Variants in GRIA3 observed in about 807,000 individuals in gnomAD.
The protein encoded by GRIA3 is glutamate ionotropic receptor AMPA type subunit 3, also known as glutamate receptor 3.
In GRIA3, 3 loss-of-function variants were observed where a neutral mutation model predicts 63.0. The observed-to-expected ratio is 0.05, with a 90% CI of 0.02 to 0.12. The LOEUF is 0.12. Ranked by LOEUF, GRIA3 falls within the 10% of genes least tolerant of loss-of-function variation. The probability of loss-of-function intolerance (pLI) is 1.00; values close to 1 mark genes in which losing one functional copy is unlikely to be tolerated. For synonymous variants in GRIA3, 274 were observed against 257.9 expected, an observed-to-expected ratio of 1.06 and a Z score of -0.60; for missense variants, 347 against 700.9, an observed-to-expected ratio of 0.50 and a Z score of 5.70.
At chrX:123,394,916 G>A (rs993368217) in intron 5 of GRIA3, 52 bp from the exon 6 acceptor site, 3 of 889,161 alleles carry the variant, frequency 3.4e-6, no homozygotes, top group African/African-American at 3.9e-5. Flanking sequence ...CAGATATGGT[G>A]AGTAAGAACA....
At chrX:123,443,316 T>C (rs1603158986) in intron 12 of GRIA3, among the ~76,000 whole-genome samples, 1 of 112,299 alleles carries the variant, frequency 8.9e-6, no homozygotes, top group Non-Finnish European at 1.9e-5. Context: ...ATCCAGATAA[T>C]GCCCTTCCTT....
intron 5 of GRIA3, among the ~76,000 whole-genome samples, chrX:123,362,589 C>G (rs2045182893): frequency 9.1e-6 from 1 of 110,055 alleles, no homozygotes; most frequent in African/African-American, 3.3e-5. Flanking sequence ...TTTTCAACAG[C>G]AACAGAAGGC....
chrX:123,219,440 T>G (rs1434947039), intron 2 of GRIA3, among the ~76,000 whole-genome samples: 3 of 112,269 alleles, frequency 2.7e-5, no homozygotes, highest in Non-Finnish European at 3.8e-5. Context: ...ACTCAACAGC[T>G]GCATTACTGA....
chrX:123,449,248 T>C (rs374875642), intron 12 of GRIA3, among the ~76,000 whole-genome samples: 68 of 112,178 alleles, frequency 6.1e-4, no homozygotes, highest in African/African-American at 1.7e-3. Context: ...AGCATGAAGA[T>C]TGGGGACTTA....
intron 6 of GRIA3, among the ~76,000 whole-genome samples, chrX:123,396,325 G>T (rs1245082934): frequency 9.1e-6 from 1 of 110,078 alleles, no homozygotes; most frequent in African/African-American, 3.3e-5. Flanking sequence ...CCTTAAATGG[G>T]TTACGTCAGA....
At chrX:123,470,940 G>A (rs2045859101) in intron 13 of GRIA3, among the ~76,000 whole-genome samples, 1 of 112,222 alleles carries the variant, frequency 8.9e-6, no homozygotes, top group African/African-American at 3.2e-5. Flanking sequence ...TATTGACACT[G>A]TTATGTGTGT....
intron 5 of GRIA3, among the ~76,000 whole-genome samples, chrX:123,393,243 A>G (rs185756404): frequency 8.9e-6 from 1 of 112,212 alleles, no homozygotes; most frequent in Non-Finnish European, 1.9e-5. Context: ...AATGTTTTCT[A>G]AGACTGTCTT....
At chrX:123,300,503 A>G (rs1318838140) in intron 3 of GRIA3, among the ~76,000 whole-genome samples, 1 of 105,088 alleles carries the variant, frequency 9.5e-6, no homozygotes, top group Non-Finnish European at 1.9e-5. Context: ...GAATTTATGC[A>G]TTTCTGACTG....
chrX:123,482,808 A>T lies in GRIA3; in HGVS notation c.2449A>T (p.Ser817Cys). 1 of 1,211,118 alleles carries T rather than the reference A, an allele frequency of 8.3e-7. No individual in the cohort carries two copies. Among genetic ancestry groups the T allele is most frequent in the Non-Finnish European group, 1.1e-6 (1 of 894,672 alleles). ...TGTTCATTTCTCTTAGGACAAGACCAGCGCTCTGAGCCTGAGCAATGTGGC... is the reference window on the plus strand; with the variant it reads ...TGTTCATTTCTCTTAGGACAAGACCTGCGCTCTGAGCCTGAGCAATGTGGC... ...AKDSGSKDKT[S>C]ALSLSNVAGV... The change falls in exon 15 of 16, where the codon AGC (serine) becomes TGC (cysteine). Residue 817 changes from serine to cysteine, a missense_variant. Physicochemically the swap from Ser to Cys is moderately radical, Grantham distance 112. Transcript: ENST00000620443.
chrX:123,432,304 C>A (rs972712654), intron 12 of GRIA3, among the ~76,000 whole-genome samples: 1 of 112,002 alleles, frequency 8.9e-6, no homozygotes, highest in Non-Finnish European at 1.9e-5. Flanking sequence ...CATTTTTTCC[C>A]CTTTTTACAT....
intron 2 of GRIA3, among the ~76,000 whole-genome samples, chrX:123,248,557 G>T (rs1221657343): frequency 9.0e-6 from 1 of 111,699 alleles, no homozygotes; most frequent in South Asian, 3.7e-4. Flanking sequence ...AGGCTGAGGC[G>T]GGTGGATCAC....
chrX:123,277,744 G>A (rs921955143), intron 3 of GRIA3, among the ~76,000 whole-genome samples: 13 of 112,057 alleles, frequency 1.2e-4, no homozygotes, highest in African/African-American at 3.6e-4. Context: ...GTTCTATGTC[G>A]TGTTGGGACC....
chrX:123,489,548 C>A lies in GRIA3; in HGVS notation c.*838C>A, dbSNP rs2045958715. The A allele has an allele frequency of 8.9e-6, 1 of 112,101 alleles. No individual in the cohort carries two copies. Among genetic ancestry groups the A allele is most frequent in the South Asian group, 3.7e-4 (1 of 2,675 alleles). The allele number at this position is 112,101 out of a possible 1,213,427, so 9.2% of individuals were successfully genotyped here. ...TTCCTAAAATGGATCCCGGGGCTTTCCAAGGAGCCTGGAATTTCAGCTCAC... is the reference window on the plus strand; with the variant it reads ...TTCCTAAAATGGATCCCGGGGCTTTACAAGGAGCCTGGAATTTCAGCTCAC... On this transcript the variant is annotated 3_prime_UTR_variant, in exon 16 of 16. Transcript: ENST00000620443.
intron 3 of GRIA3, among the ~76,000 whole-genome samples, chrX:123,315,908 G>A (rs1182660933): frequency 1.8e-5 from 2 of 109,923 alleles, no homozygotes; most frequent in Non-Finnish European, 3.8e-5. Context: ...AGGCACAGTG[G>A]CTCACACCTG....
chrX:123,296,164 T>C (rs2044684394), intron 3 of GRIA3, among the ~76,000 whole-genome samples: 1 of 111,269 alleles, frequency 9.0e-6, no homozygotes, highest in Admixed American at 9.6e-5. Flanking sequence ...ACTGGTACAA[T>C]TAACTCTACA....
chrX:123,237,468 C>CAG (rs1185682734), intron 2 of GRIA3, among the ~76,000 whole-genome samples: 1 of 112,005 alleles, frequency 8.9e-6, no homozygotes, highest in Non-Finnish European at 1.9e-5. Flanking sequence ...TAAAATAAGA[C>CAG]AGAGTGTGCT....
At chrX:123,322,600 C>G (rs1021199541) in intron 3 of GRIA3, among the ~76,000 whole-genome samples, 6 of 110,942 alleles carry the variant, frequency 5.4e-5, no homozygotes, top group African/African-American at 2.0e-4. Flanking sequence ...TATTTACTCT[C>G]TTTGGTCAGC....
At chrX:123,438,656 G>A (rs996190947) in intron 12 of GRIA3, among the ~76,000 whole-genome samples, 1 of 111,969 alleles carries the variant, frequency 8.9e-6, no homozygotes, top group African/African-American at 3.2e-5. Context: ...CCAAGTAGCT[G>A]GGATTACAGG....
chrX:123,362,155 G>A (rs866897547), intron 5 of GRIA3, among the ~76,000 whole-genome samples: 62 of 111,568 alleles, frequency 5.6e-4, no homozygotes, highest in African/African-American at 1.9e-3. Context: ...ATATACCACT[G>A]TATGTCCAAC....
Sources: gnomAD v4.1 joint callset for allele counts (sites outside exome capture counted in the v4.1 genomes callset) on GRCh38, gnomAD v4.1.1 for gene constraint, MANE v1.5 for transcripts, NCBI Gene and HGNC (gene_info 2026-07-23, HGNC 2026-07-21) for gene names.